Variants in ANP32A observed in about 807,000 individuals in gnomAD.
The protein encoded by ANP32A is acidic leucine-rich nuclear phosphoprotein 32 family member A.
In ANP32A, 1 loss-of-function variant was observed where a neutral mutation model predicts 33.9. The observed-to-expected ratio is 0.03, with a 90% CI of 0.01 to 0.14. The LOEUF (loss-of-function observed/expected upper bound fraction) is 0.14. ANP32A is among the 10% of genes least tolerant of loss of function. ANP32A has a pLI of 1.00. For missense variants in ANP32A, 155 were observed against 306.0 expected (o/e 0.51, Z 3.68); for synonymous variants, 115 against 120.5 (o/e 0.95, Z 0.30).
chr15:68,793,656 C>G (rs142193205), intron 1 of ANP32A, among the ~76,000 whole-genome samples: 360 of 152,306 alleles, frequency 2.4e-3, no homozygotes, highest in South Asian at 8.5e-3. Flanking sequence ...CCAGATAGAA[C>G]AGGCATGCTA....
chr15:68,791,278 GTTC>G (rs1450150278), intron 1 of ANP32A: 2 of 152,154 alleles, frequency 1.3e-5, no homozygotes, highest in African/African-American at 2.4e-5. Context: ...TGGGTCTTTG[GTTC>G]TTCTTCTCTG....
intron 1 of ANP32A, among the ~76,000 whole-genome samples, chr15:68,803,993 G>A (rs1308156575): frequency 6.6e-6 from 1 of 151,568 alleles, no homozygotes; most frequent in Admixed American, 6.6e-5. Context: ...GTAGACATGG[G>A]GTTTCACTGT....
chr15:68,806,325 C>G (rs982201232), intron 1 of ANP32A, among the ~76,000 whole-genome samples: 1 of 152,190 alleles, frequency 6.6e-6, no homozygotes, highest in African/African-American at 2.4e-5. Context: ...TTCTCACTCC[C>G]ATATCCAACC....
Position 68,784,385 on chromosome 15 carries a change from C to G in ANP32A, c.526+12G>C, listed in dbSNP as rs746653362. On this transcript the variant is annotated intron_variant, in intron 4 of 6. Transcript: ENST00000465139. Reference sequence around the variant, plus strand: ...GGGCCCCTGCAGCCCTGGGCCGCACCCTGTCACCCACCATCCTCATCCTCC... The same window carrying G: ...GGGCCCCTGCAGCCCTGGGCCGCACGCTGTCACCCACCATCCTCATCCTCC... The G allele has an allele frequency of 1.2e-6, 2 of 1,613,226 alleles. No individual in the cohort carries two copies. The highest frequency in any genetic ancestry group is 1.7e-6 in the Non-Finnish European group (2 of 1,179,604).
chr15:68,780,510 C>A lies in ANP32A; in HGVS notation c.625-37G>T. On this transcript the variant is annotated intron_variant, in intron 5 of 6. Transcript: ENST00000465139. This position sits in a 1 kb window ranked among gnomAD's most constrained non-coding sequence, Gnocchi z 4.3. ...GACAGACACCAGAACATTAGAAATG[C>A]CCTGCCTTGGGACATGCTGAGGAAG... 6.2e-7 allele frequency: 1 copy of A among 1,613,256 alleles called. No individual in the cohort carries two copies. Among genetic ancestry groups the A allele is most frequent in the Non-Finnish European group, 8.5e-7 (1 of 1,179,498 alleles).
At chr15:68,812,094 GC>G (rs1402977049) in intron 1 of ANP32A, among the ~76,000 whole-genome samples, 4 of 152,064 alleles carry the variant, frequency 2.6e-5, no homozygotes, top group Non-Finnish European at 5.9e-5. Flanking sequence ...TGTTCTAACG[GC>G]AACAACAGCT....
At chr15:68,784,171 T>G in intron 4 of ANP32A, 1 of 589,992 alleles carries the variant, frequency 1.7e-6, no homozygotes, top group Non-Finnish European at 3.0e-6. Flanking sequence ...TTTGTTCTTT[T>G]AGGGAAGTCA....
At position 68,784,423 on chromosome 15, in the gene ANP32A, A is replaced by T; in HGVS notation, c.500T>A (p.Leu167Gln). 1.2e-6 allele frequency: 2 copies of T among 1,613,882 alleles called. No homozygotes were observed. The highest frequency in any genetic ancestry group is 1.7e-6 in the Non-Finnish European group (2 of 1,179,958). The change falls in exon 4 of 7, where the codon CTG (leucine) becomes CAG (glutamine). Residue 167 changes from leucine to glutamine, a missense_variant. By Grantham distance (113) the Leu-to-Gln change is moderately radical. Transcript: ENST00000465139. ...ATCCTCATCCTCCTCCTCATCATCCAGGCCCTCCACGTAGCCCTCAGCATC... is the reference window on the plus strand; with the variant it reads ...ATCCTCATCCTCCTCCTCATCATCCTGGCCCTCCACGTAGCCCTCAGCATC... ...DSDAEGYVEGLDDEEEDEDEE... is the reference protein window; with the variant it reads ...DSDAEGYVEGQDDEEEDEDEE...
chr15:68,802,217 TAAGATATACAG>T, intron 1 of ANP32A, among the ~76,000 whole-genome samples: 1 of 152,256 alleles, frequency 6.6e-6, no homozygotes, highest in East Asian at 1.9e-4. Context: ...CCAAAATATA[TAAGATATACAG>T]TTAACTCTCC....
chr15:68,818,794 G>A (rs974222168), intron 1 of ANP32A, among the ~76,000 whole-genome samples: 2 of 151,514 alleles, frequency 1.3e-5, no homozygotes, highest in African/African-American at 2.4e-5. Flanking sequence ...GGGGGCTTCC[G>A]GAAAGTACGC....
chr15:68,820,164 G>A (rs904607439), intron 1 of ANP32A, among the ~76,000 whole-genome samples: 3 of 152,014 alleles, frequency 2.0e-5, no homozygotes, highest in African/African-American at 7.2e-5. Flanking sequence ...GACTCGCGAA[G>A]CCCCAAACTT....
At chr15:68,803,472 G>A (rs1319153890) in intron 1 of ANP32A, among the ~76,000 whole-genome samples, 1 of 152,180 alleles carries the variant, frequency 6.6e-6, no homozygotes, top group Non-Finnish European at 1.5e-5. Context: ...CAGCACCTAA[G>A]CCCCTAATTA....
At chr15:68,810,974 C>T (rs1461230246) in intron 1 of ANP32A, among the ~76,000 whole-genome samples, 2 of 150,258 alleles carry the variant, frequency 1.3e-5, no homozygotes, top group Admixed American at 6.7e-5. Context: ...GCACGAGAAT[C>T]GCTTGAACCC....
At position 68,780,253 on chromosome 15, in the gene ANP32A, G is replaced by A; in HGVS notation, c.689-111C>T. 4.5e-6 allele frequency: 7 copies of A among 1,562,220 alleles called. No homozygotes were observed. Among genetic ancestry groups the A allele is most frequent in the East Asian group, 4.5e-5 (2 of 44,294 alleles). ...ATGACTAGCAAGCTGTGCCATCCTT[G>A]GAAACCGAGGCAAGACATCTGCACA... is the stretch of plus-strand genomic sequence containing the variant. On this transcript the variant is annotated intron_variant, in intron 6 of 6. Transcript: ENST00000465139. The surrounding 1 kb of genome is among the most constrained non-coding windows in gnomAD (Gnocchi z 4.3).
chr15:68,805,256 C>A (rs28474727), intron 1 of ANP32A, among the ~76,000 whole-genome samples: 6,704 of 152,290 alleles, frequency 0.044, 520 homozygotes, highest in East Asian at 0.34. Flanking sequence ...AAATTCCACT[C>A]TGACAGTGAC....
intron 1 of ANP32A, among the ~76,000 whole-genome samples, chr15:68,819,613 C>T (rs1245554503): frequency 2.0e-5 from 3 of 152,206 alleles, no homozygotes; most frequent in Non-Finnish European, 2.9e-5. Flanking sequence ...TTCCCGTGCC[C>T]ATTTATTAAG....
intron 1 of ANP32A, among the ~76,000 whole-genome samples, 190 bp downstream of exon 1, chr15:68,820,508 C>G (rs1275258726): frequency 6.6e-6 from 1 of 152,088 alleles, no homozygotes; most frequent in African/African-American, 2.4e-5. Context: ...GCAGCGGCGG[C>G]GGCAGCCGGA....
intron 1 of ANP32A, among the ~76,000 whole-genome samples, chr15:68,802,130 C>A (rs1261829305): frequency 6.6e-6 from 1 of 152,178 alleles, no homozygotes; most frequent in African/African-American, 2.4e-5. Context: ...TCAGTGGACT[C>A]GCTGGTTCAA....
chr15:68,804,005 T>C (rs2140368782), intron 1 of ANP32A, among the ~76,000 whole-genome samples: 1 of 152,158 alleles, frequency 6.6e-6, no homozygotes, highest in East Asian at 1.9e-4. Context: ...TTTCACTGTG[T>C]TGGCCAGGAT....
Sources: allele counts gnomAD v4.1 joint callset (sites outside exome capture counted in the v4.1 genomes callset), GRCh38; gene constraint gnomAD v4.1.1; non-coding constraint Gnocchi (gnomAD v3.1); transcripts MANE v1.5; gene names NCBI Gene and HGNC (gene_info 2026-07-23, HGNC 2026-07-21).